Variants in ZC3H7A observed in about 807,000 individuals in gnomAD.
The protein encoded by ZC3H7A is zinc finger CCCH-type containing 7A.
In ZC3H7A, 44 loss-of-function variants were observed where a neutral mutation model predicts 125.5. The ratio of observed to expected loss-of-function variants is 0.35; its 90% confidence interval spans 0.28 to 0.45. The LOEUF (loss-of-function observed/expected upper bound fraction) is 0.45, where lower values mean the gene tolerates loss of function less well. Among genes scored for constraint, ZC3H7A ranks in the 20% least tolerant of loss-of-function variants. The pLI, the probability that ZC3H7A is intolerant of heterozygous loss-of-function variation, is 1.00. For missense variants in ZC3H7A, 977 were observed against 1,170.7 expected (o/e 0.83, Z 2.41); for synonymous variants, 399 against 391.2 (o/e 1.02, Z -0.23).
intron 4 of ZC3H7A, 135 bp downstream of exon 4, chr16:11,779,031 A>C (rs2053130794): frequency 3.8e-6 from 3 of 785,494 alleles, no homozygotes; most frequent in Admixed American, 3.2e-5. Context: ...CTAATTTTTA[A>C]AAGCCTCAAG....
intron 3 of ZC3H7A, 45 bp from the exon 4 acceptor site, chr16:11,779,408 A>C: frequency 6.4e-7 from 1 of 1,550,908 alleles, no homozygotes; most frequent in Non-Finnish European, 8.8e-7. Context: ...ATCAAACAAG[A>C]TATGGTATAA....
intron 22 of ZC3H7A, among the ~76,000 whole-genome samples, chr16:11,752,005 A>G (rs982140079): frequency 4.7e-5 from 7 of 149,608 alleles, no homozygotes; most frequent in African/African-American, 1.7e-4. Flanking sequence ...TCCTGGGTTC[A>G]AGTGATTGTC....
intron 1 of ZC3H7A, among the ~76,000 whole-genome samples, chr16:11,794,660 C>T (rs955953772): frequency 3.3e-5 from 5 of 152,172 alleles, no homozygotes; most frequent in East Asian, 1.9e-4. Flanking sequence ...AGGATACAGA[C>T]GTCTTTTGTT....
At position 11,774,141 on chromosome 16, in the gene ZC3H7A, T is replaced by C. The variant is rs1437476662; in HGVS notation, c.903+95A>G. Reference sequence around the variant, plus strand: ...GTTAAAAAAACCCCCAAATTCAGCCTATATGCAATACTGAAAAAGTCTATC... The same window carrying C: ...GTTAAAAAAACCCCCAAATTCAGCCCATATGCAATACTGAAAAAGTCTATC... On this transcript the variant is annotated intron_variant, in intron 9 of 22. Transcript: ENST00000355758. 6 of 1,208,622 alleles carry C rather than the reference T, an allele frequency of 5.0e-6. No individual in the cohort carries two copies. In the African/African-American group the frequency reaches 9.3e-5, roughly 19 times the overall value. 74.9% of individuals were successfully genotyped at this position (1,208,622 alleles called of 1,614,324 possible). A position where few individuals can be genotyped will look rare whatever the true frequency, so the allele number is the denominator to read the frequency against.
At chr16:11,782,017 TG>T (rs1391798740) in intron 2 of ZC3H7A, among the ~76,000 whole-genome samples, 1 of 152,196 alleles carries the variant, frequency 6.6e-6, no homozygotes, top group African/African-American at 2.4e-5. Context: ...TCAGCAGCAC[TG>T]TTCATAGAAC....
intron 1 of ZC3H7A, among the ~76,000 whole-genome samples, chr16:11,792,896 A>G (rs999135592): frequency 3.3e-5 from 5 of 152,194 alleles, no homozygotes; most frequent in African/African-American, 1.2e-4. Context: ...ACAGGTGGGC[A>G]CTTTAAAGCC....
intron 10 of ZC3H7A, among the ~76,000 whole-genome samples, chr16:11,769,555 A>C (rs2052932963): frequency 6.6e-6 from 1 of 151,060 alleles, no homozygotes; most frequent in Non-Finnish European, 1.5e-5. Context: ...TGAAAATACA[A>C]AAAAAATTTG....
chr16:11,774,573 TA>T, intron 8 of ZC3H7A, 54 bp from the exon 9 acceptor site: 1 of 1,459,208 alleles, frequency 6.9e-7, no homozygotes, highest in Non-Finnish European at 9.1e-7. Context: ...TACATAATAA[TA>T]CCATTAATCC....
At chr16:11,756,403 A>T in intron 20 of ZC3H7A, 33 bp from the exon 21 acceptor site, 1 of 1,603,816 alleles carries the variant, frequency 6.2e-7, no homozygotes, top group Non-Finnish European at 8.5e-7. Context: ...CAGCAGCAGC[A>T]ACTAAACTCC....
At chr16:11,776,157 T>C (rs1218742508) in intron 7 of ZC3H7A, among the ~76,000 whole-genome samples, 163 bp downstream of exon 7, 1 of 152,026 alleles carries the variant, frequency 6.6e-6, no homozygotes, top group Non-Finnish European at 1.5e-5. Context: ...CAAGACTCTG[T>C]CTCAAAAAAA....
chr16:11,774,933 C>T, intron 8 of ZC3H7A, 47 bp downstream of exon 8: 1 of 1,598,270 alleles, frequency 6.3e-7, no homozygotes, highest in South Asian at 1.1e-5. Context: ...ACATCAGGTA[C>T]AAAGCTGGCA....
rs942082404 is a variant in ZC3H7A, at chr16:11,770,919, C to T, written c.972G>A (p.Ser324=). The T allele has an allele frequency of 2.5e-6, 4 of 1,613,896 alleles. No individual in the cohort carries two copies. Among genetic ancestry groups the T allele is most frequent in the South Asian group, 1.1e-5 (1 of 91,082 alleles). ...CACCAATGGGTAAGGTTCCTAACAG[C>T]GATGCCGAAAAGGGCATGCTAGGAG... ...SVSPSMPFSA[S]LLGTLPIGAR... is the part of the protein sequence containing the mutation. Residue 324 remains serine (S), a synonymous_variant, in exon 10 of 23, where the codon TCG becomes TCA. Coordinates refer to ENST00000355758, the MANE Select transcript of ZC3H7A (RefSeq NM_014153.4).
chr16:11,780,566 T>C (rs2053159169), intron 3 of ZC3H7A, among the ~76,000 whole-genome samples: 1 of 152,242 alleles, frequency 6.6e-6, no homozygotes, highest in Non-Finnish European at 1.5e-5. Flanking sequence ...GGATCAACTA[T>C]TAACAAAACT....
At chr16:11,763,712 T>C in intron 15 of ZC3H7A, 53 bp from the exon 16 acceptor site, 1 of 1,716 alleles carries the variant, frequency 5.8e-4, no homozygotes, top group Non-Finnish European at 9.7e-4. Context: ...ATTTTTCAAA[T>C]ATATATATAT....
chr16:11,790,468 G>T (rs913284333), intron 1 of ZC3H7A, among the ~76,000 whole-genome samples: 3 of 152,080 alleles, frequency 2.0e-5, no homozygotes, highest in African/African-American at 7.2e-5. Context: ...GATGTTATTG[G>T]TATTTTTTCC....
At chr16:11,777,093 G>A (rs1377272795) in intron 4 of ZC3H7A, among the ~76,000 whole-genome samples, 184 bp from the exon 5 acceptor site, 2 of 152,098 alleles carry the variant, frequency 1.3e-5, no homozygotes, top group Non-Finnish European at 2.9e-5. Flanking sequence ...AAAGTAGAAA[G>A]AATATCATGA....
In ZC3H7A at chr16:11,756,877, G is replaced by A. The variant is rs375757515; in HGVS notation, c.2429-507C>T. Among the ~76,000 whole-genome samples, 12 of 152,320 alleles carry A rather than the reference G, an allele frequency of 7.9e-5. No individual in the cohort carries two copies. In the East Asian group the frequency reaches 1.5e-3, roughly 20 times the overall value. On this transcript the variant is annotated intron_variant, in intron 20 of 22. Coordinates refer to ENST00000355758, the MANE Select transcript of ZC3H7A (RefSeq NM_014153.4). Reference sequence around the variant, plus strand: ...GTCCATCAGTCAAGCCACAGTCCCAGAGGGCGGATATGCTGGGCTGCAACT... The same window carrying A: ...GTCCATCAGTCAAGCCACAGTCCCAAAGGGCGGATATGCTGGGCTGCAACT...
chr16:11,774,829 G>A, intron 8 of ZC3H7A, 151 bp downstream of exon 8: 1 of 995,234 alleles, frequency 1.0e-6, no homozygotes, highest in Non-Finnish European at 1.5e-6. Context: ...AAGGCACAAA[G>A]GGAGCATTGG....
chr16:11,776,278 C>CT (rs1253443838), intron 7 of ZC3H7A, 42 bp downstream of exon 7: 1 of 1,549,702 alleles, frequency 6.5e-7, no homozygotes, highest in Non-Finnish European at 8.7e-7. Flanking sequence ...CCATCCTTCC[C>CT]TTTAAAAAAA....
Sources: allele counts gnomAD v4.1 joint callset (sites outside exome capture counted in the v4.1 genomes callset), GRCh38; gene constraint gnomAD v4.1.1; transcripts MANE v1.5; gene names NCBI Gene and HGNC (gene_info 2026-07-23, HGNC 2026-07-21).